KHDRBS2: variants seen among roughly 807,000 people sequenced by gnomAD.
KHDRBS2 encodes the protein KH domain-containing, RNA-binding, signal transduction-associated protein 2.
In KHDRBS2, 26 loss-of-function variants were observed where a neutral mutation model predicts 44.3. The ratio of observed to expected loss-of-function variants is 0.59; its 90% CI spans 0.43 to 0.81. KHDRBS2 has a LOEUF of 0.81. KHDRBS2 is among the 40% of genes least tolerant of loss of function. The pLI, the probability that KHDRBS2 is intolerant of heterozygous loss-of-function variation, is 0.00. For missense variants in KHDRBS2, 476 were observed against 433.1 expected, an observed-to-expected ratio of 1.10 and a Z score of -0.88; for synonymous variants, 194 against 151.1, an observed-to-expected ratio of 1.28 and a Z score of -2.08.
chr6:62,212,345 G>C (rs1462390838), intron 1 of KHDRBS2, among the ~76,000 whole-genome samples: 2 of 151,922 alleles, frequency 1.3e-5, no homozygotes, highest in East Asian at 3.9e-4. Context: ...GAGAGAGAGA[G>C]ATAAATGAAT....
intron 3 of KHDRBS2, among the ~76,000 whole-genome samples, chr6:62,047,598 C>T (rs1787993496): frequency 6.6e-6 from 1 of 151,628 alleles, no homozygotes; most frequent in Non-Finnish European, 1.5e-5. Context: ...AAACATTCTA[C>T]AGAGGACACA....
At chr6:62,150,400 A>T (rs1357971038) in intron 2 of KHDRBS2, among the ~76,000 whole-genome samples, 4 of 152,146 alleles carry the variant, frequency 2.6e-5, no homozygotes, top group East Asian at 1.9e-4. Context: ...TAATTTAATT[A>T]AAAAATGCTA....
chr6:62,143,507 T>C (rs1053054207), intron 2 of KHDRBS2, among the ~76,000 whole-genome samples: 4 of 152,010 alleles, frequency 2.6e-5, no homozygotes, highest in African/African-American at 9.7e-5. Flanking sequence ...AGGGACTTCA[T>C]AGTCTACAAC....
intron 4 of KHDRBS2, among the ~76,000 whole-genome samples, chr6:61,933,822 T>C (rs187262350): frequency 1.3e-5 from 2 of 152,328 alleles, no homozygotes; most frequent in Non-Finnish European, 2.9e-5. Flanking sequence ...ACCAATAATA[T>C]GGATTGCTGG....
chr6:62,136,983 T>C (rs1181719021), intron 2 of KHDRBS2, among the ~76,000 whole-genome samples: 1 of 146,360 alleles, frequency 6.8e-6, no homozygotes, highest in African/African-American at 2.5e-5. Flanking sequence ...CTTTCAGCTT[T>C]CTTTCTTTTC....
chr6:62,203,639 T>A (rs1191488684), intron 1 of KHDRBS2, among the ~76,000 whole-genome samples: 1 of 152,078 alleles, frequency 6.6e-6, no homozygotes, highest in African/African-American at 2.4e-5. Context: ...GGTTATCCAA[T>A]GCAGGTCAGG....
chr6:61,655,018 G>A, the KHDRBS2 span, among the ~76,000 whole-genome samples: 42 of 151,758 alleles, frequency 2.8e-4, no homozygotes, highest in Non-Finnish European at 4.7e-4. Flanking sequence ...AGCTTTCTGG[G>A]AAATGAAACC....
At chr6:61,638,340 A>G in the KHDRBS2 span, among the ~76,000 whole-genome samples, 2 of 152,102 alleles carry the variant, frequency 1.3e-5, no homozygotes, top group Admixed American at 1.3e-4. Context: ...CAGAGCCCTC[A>G]GAAATAATGC....
the KHDRBS2 span, among the ~76,000 whole-genome samples, chr6:61,654,909 TAACCTGACTTCTACCTTTTTCTC>T: frequency 1.3e-5 from 2 of 151,618 alleles, no homozygotes; most frequent in South Asian, 4.2e-4. Flanking sequence ...GTTGGGAAAA[TAACCTGACTTCTACCTTTTTCTC>T]AATCTCATAG....
intron 6 of KHDRBS2, among the ~76,000 whole-genome samples, chr6:61,891,264 T>C (rs1258259218): frequency 6.6e-6 from 1 of 152,218 alleles, no homozygotes; most frequent in African/African-American, 2.4e-5. Flanking sequence ...CTGGCTTGCA[T>C]CAGTTAAATT....
At chr6:61,581,667 A>G in the KHDRBS2 span, among the ~76,000 whole-genome samples, 1 of 149,366 alleles carries the variant, frequency 6.7e-6, no homozygotes, top group Non-Finnish European at 1.5e-5. Context: ...AGACAACTAT[A>G]GTATTATAAG....
Position 62,202,838 on chromosome 6 carries a change from G to T in KHDRBS2, c.92-25526C>A, listed in dbSNP as rs559735882. Among the ~76,000 whole-genome samples the T allele has an allele frequency of 1.1e-4, 16 of 152,216 alleles. No homozygotes were observed. The East Asian group carries it at 2.7e-3, about 26-fold the overall frequency. On this transcript the variant is annotated intron_variant, in intron 1 of 8. Coordinates refer to ENST00000281156, the MANE Select transcript of KHDRBS2 (RefSeq NM_152688.4). The stretch of plus-strand genomic sequence containing the variant: ...AAGGGATCCCTGTTCTGAGAAATGA[G>T]GGATGAGACAACTGTGTGAAAAGGG...
At chr6:61,749,606 A>G (rs550022638) in intron 6 of KHDRBS2, among the ~76,000 whole-genome samples, 22 of 152,286 alleles carry the variant, frequency 1.4e-4, no homozygotes, top group African/African-American at 5.3e-4. Flanking sequence ...GTGATTTTAA[A>G]TGATTCAGTT....
the KHDRBS2 span, among the ~76,000 whole-genome samples, chr6:61,637,822 T>A: frequency 3.9e-5 from 6 of 152,294 alleles, no homozygotes; most frequent in East Asian, 1.2e-3. Flanking sequence ...TTTGGCAGCA[T>A]AAATGTCTTC....
intron 7 of KHDRBS2, among the ~76,000 whole-genome samples, chr6:61,715,005 A>G (rs1771148810): frequency 6.6e-6 from 1 of 151,918 alleles, no homozygotes; most frequent in Non-Finnish European, 1.5e-5. Context: ...CTATGCATAG[A>G]AGAAATTACA....
At chr6:62,032,120 C>A (rs557287301) in intron 3 of KHDRBS2, among the ~76,000 whole-genome samples, 1 of 152,008 alleles carries the variant, frequency 6.6e-6, no homozygotes, top group African/African-American at 2.4e-5. Flanking sequence ...CTCCTGGATC[C>A]GGTCCAAGAC....
At chr6:61,660,450 A>G in the KHDRBS2 span, among the ~76,000 whole-genome samples, 4 of 151,828 alleles carry the variant, frequency 2.6e-5, no homozygotes, top group African/African-American at 7.2e-5. Flanking sequence ...CTTTTAAGAA[A>G]AAATTCCTGA....
At chr6:62,284,482 T>C (rs757415784) in intron 1 of KHDRBS2, among the ~76,000 whole-genome samples, 1 of 152,140 alleles carries the variant, frequency 6.6e-6, no homozygotes, top group African/African-American at 2.4e-5. Flanking sequence ...ATTATTTTTA[T>C]GTAGTTGTCT....
At chr6:62,206,539 T>C (rs542574165) in intron 1 of KHDRBS2, among the ~76,000 whole-genome samples, 45 of 152,246 alleles carry the variant, frequency 3.0e-4, no homozygotes, top group African/African-American at 9.6e-4. Flanking sequence ...TTTGTTTAAA[T>C]GTTTAAGTAC....
Sources: allele counts gnomAD v4.1 joint callset (sites outside exome capture counted in the v4.1 genomes callset), GRCh38; gene constraint gnomAD v4.1.1; transcripts MANE v1.5; gene names NCBI Gene and HGNC (gene_info 2026-07-23, HGNC 2026-07-21).